The following FRMD6 variants were observed in gnomAD, a reference collection of about 807,000 sequenced individuals.
FRMD6 encodes FERM domain-containing protein 6.
Under a neutral mutation model 73.2 loss-of-function variants are expected in FRMD6, and 37 were observed. The ratio of observed to expected loss-of-function variants is 0.51; its 90% CI spans 0.39 to 0.66. The LOEUF is 0.66. FRMD6 is among the 30% of genes least tolerant of loss of function. FRMD6 has a pLI of 0.00. For synonymous variants in FRMD6, 273 were observed against 282.2 expected (o/e 0.97, Z 0.33); for missense variants, 714 against 780.5 (o/e 0.91, Z 1.02).
intron 1 of FRMD6, among the ~76,000 whole-genome samples, chr14:51,493,622 A>C (rs1883136909): frequency 6.6e-6 from 1 of 152,214 alleles, no homozygotes; most frequent in Admixed American, 6.5e-5. Context: ...TAAATTACCC[A>C]GTCTCAGCTG....
At chr14:51,586,066 A>G in intron 2 of FRMD6, among the ~76,000 whole-genome samples, 1 of 150,032 alleles carries the variant, frequency 6.7e-6, no homozygotes, top group Non-Finnish European at 1.5e-5. Flanking sequence ...TGTCTTTTTG[A>G]TATAATAATT....
chr14:51,651,940 AAG>A lies in FRMD6; in HGVS notation c.-200_-199del. ...GTGGGGCAGGCTCGGCGCCGGTAGG[AAG>A]AGTCAGAGGGGTGACCAGAGAGCCC... On this transcript the variant is annotated 5_prime_UTR_variant, in exon 1 of 14. Coordinates refer to ENST00000344768, the MANE Select transcript of FRMD6 (RefSeq NM_001267046.2). 6.6e-6 allele frequency: 1 copy of A among 152,266 alleles called. No individual in the cohort carries two copies. The highest frequency in any genetic ancestry group is 1.9e-4 in the East Asian group (1 of 5,132). 9.4% of individuals were successfully genotyped at this position (152,266 alleles called of 1,614,324 possible).
the FRMD6 span, among the ~76,000 whole-genome samples, chr14:51,406,891 G>A: frequency 3.9e-5 from 6 of 151,982 alleles, no homozygotes; most frequent in Non-Finnish European, 8.8e-5. Context: ...AAATAATATT[G>A]TTTAAAATCT....
chr14:51,633,745 T>C (rs1243645348), intron 2 of FRMD6, among the ~76,000 whole-genome samples: 1 of 152,144 alleles, frequency 6.6e-6, no homozygotes, highest in East Asian at 1.9e-4. Context: ...ATTTCTAACA[T>C]GTATACCCAA....
the FRMD6 span, among the ~76,000 whole-genome samples, chr14:51,398,151 C>T: frequency 6.6e-6 from 1 of 152,178 alleles, no homozygotes; most frequent in Non-Finnish European, 1.5e-5. Flanking sequence ...AGATTTTCCT[C>T]TCAGCATTAG....
At chr14:51,481,006 C>A in the FRMD6 span, among the ~76,000 whole-genome samples, 1 of 152,120 alleles carries the variant, frequency 6.6e-6, no homozygotes, top group East Asian at 1.9e-4. Flanking sequence ...TCCTGTGAAA[C>A]CACATGTAAA....
intron 2 of FRMD6, among the ~76,000 whole-genome samples, chr14:51,587,452 T>G (rs1291396446): frequency 1.3e-5 from 2 of 152,188 alleles, no homozygotes; most frequent in Non-Finnish European, 1.5e-5. Context: ...CGGTGGCTGG[T>G]GCGAAATTGA....
intron 1 of FRMD6, among the ~76,000 whole-genome samples, chr14:51,500,013 C>T (rs1249189616): frequency 6.6e-6 from 1 of 152,172 alleles, no homozygotes; most frequent in Non-Finnish European, 1.5e-5. Context: ...GTGGAGAACA[C>T]ATAGTTTAGC....
intron 3 of FRMD6, 81 bp downstream of exon 3, chr14:51,698,313 G>A: frequency 1.1e-6 from 1 of 879,812 alleles, no homozygotes; most frequent in African/African-American, 1.7e-5. Context: ...CTTAAATTGG[G>A]CCTATTGTTA....
chr14:51,656,417 C>CTTTT (rs1441277198), intron 1 of FRMD6, among the ~76,000 whole-genome samples: 1 of 147,314 alleles, frequency 6.8e-6, no homozygotes, highest in African/African-American at 2.5e-5. Context: ...ATTTTCTTTT[C>CTTTT]TTTTTTTTTT....
chr14:51,681,625 A>G (rs1478238319), intron 1 of FRMD6, among the ~76,000 whole-genome samples: 1 of 152,174 alleles, frequency 6.6e-6, no homozygotes, highest in African/African-American at 2.4e-5. Flanking sequence ...ACTGCCATAC[A>G]GTATTTCCTC....
the FRMD6 span, among the ~76,000 whole-genome samples, chr14:51,452,479 T>C: frequency 3.9e-5 from 6 of 152,188 alleles, no homozygotes; most frequent in Admixed American, 3.9e-4. Context: ...GTTGAGGAGA[T>C]AATAAGTTTG....
intron 11 of FRMD6, among the ~76,000 whole-genome samples, 176 bp from the exon 12 acceptor site, chr14:51,721,773 A>AG (rs1897630113): frequency 6.6e-6 from 1 of 151,198 alleles, no homozygotes; most frequent in African/African-American, 2.4e-5. Flanking sequence ...GAAGGAGGGA[A>AG]GGAGTAAACA....
rs1187475835 is a variant in FRMD6, at chr14:51,730,032, G to A, written c.*2003G>A. 6.6e-6 allele frequency: 1 copy of A among 152,424 alleles called. No individual in the cohort carries two copies. The highest frequency in any genetic ancestry group is 1.5e-5 in the Non-Finnish European group (1 of 68,044). The allele number at this position is 152,424 out of a possible 1,614,324, so 9.4% of individuals were successfully genotyped here. ...AAGTAATCCACCATTTCTTATGGAT[G>A]ATGCTTAAGCCTGGTGAGGTTTGTA... On this transcript the variant is annotated 3_prime_UTR_variant, in exon 14 of 14. Coordinates refer to ENST00000344768, the MANE Select transcript of FRMD6 (RefSeq NM_001267046.2).
chr14:51,476,921 A>G, the FRMD6 span, among the ~76,000 whole-genome samples: 1 of 152,366 alleles, frequency 6.6e-6, no homozygotes, highest in Non-Finnish European at 1.5e-5. Context: ...TATAGGGAAG[A>G]CTGCAGAAAT....
At chr14:51,559,259 A>T (rs949994792) in intron 1 of FRMD6, among the ~76,000 whole-genome samples, 3 of 152,206 alleles carry the variant, frequency 2.0e-5, no homozygotes, top group African/African-American at 7.2e-5. Flanking sequence ...GGAAAATGTT[A>T]TTTATTCCAT....
chr14:51,479,717 G>T, the FRMD6 span, among the ~76,000 whole-genome samples: 22 of 152,180 alleles, frequency 1.4e-4, no homozygotes, highest in African/African-American at 5.3e-4. Context: ...GCTGGCTGCT[G>T]CAACAGTAGG....
rs147287169 is a variant in FRMD6 at position 51,574,843 on chromosome 14, C to T, written c.-147+4433C>T. On this transcript the variant is annotated intron_variant, in intron 2 of 14. Coordinates refer to the FRMD6 transcript ENST00000356218. ...GAATATAATTGGATGGTTTGTAACA[C>T]AAAGAAAGTATAAATGCTTGAGGTG... is the stretch of plus-strand genomic sequence containing the variant. Among the ~76,000 whole-genome samples, 142 of 152,244 alleles carry T rather than the reference C, an allele frequency of 9.3e-4. 1 individual carries two copies. Among genetic ancestry groups the T allele is most frequent in the Middle Eastern group, 3.4e-3 (1 of 294 alleles).
the FRMD6 span, among the ~76,000 whole-genome samples, chr14:51,408,246 T>C: frequency 2.0e-5 from 3 of 151,670 alleles, no homozygotes; most frequent in African/African-American, 7.3e-5. Flanking sequence ...AGCCTCTACC[T>C]CCTCCTAAGC....
Sources: gnomAD v4.1 joint callset for allele counts (sites outside exome capture counted in the v4.1 genomes callset) on GRCh38, gnomAD v4.1.1 for gene constraint, MANE v1.5 for transcripts, NCBI Gene and HGNC (gene_info 2026-07-23, HGNC 2026-07-21) for gene names.